Variants in ZFHX3 observed in about 807,000 individuals in gnomAD.
ZFHX3 encodes zinc finger homeobox 3, also known as zinc finger homeobox protein 3.
A neutral mutation model predicts 279.1 loss-of-function variants in ZFHX3; 42 were observed. The observed-to-expected ratio is 0.15, with a 90% confidence interval of 0.12 to 0.19. ZFHX3 has a LOEUF of 0.19. ZFHX3 is among the 10% of genes least tolerant of loss of function. ZFHX3 has a pLI of 1.00. For missense variants in ZFHX3, 4,981 were observed against 4,754.0 expected (o/e 1.05, Z -1.40); for synonymous variants, 2,293 against 1,957.8 (o/e 1.17, Z -4.52).
At chr16:72,833,654 G>A (rs933624893) in intron 4 of ZFHX3, among the ~76,000 whole-genome samples, 1 of 152,094 alleles carries the variant, frequency 6.6e-6, no homozygotes, top group African/African-American at 2.4e-5. Context: ...TCCCAAGGGC[G>A]TGGCCAGGAC....
chr16:73,260,975 C>T (rs770682396), intron 4 of ZFHX3, among the ~76,000 whole-genome samples: 9 of 152,134 alleles, frequency 5.9e-5, no homozygotes, highest in South Asian at 2.1e-4. Context: ...TGAGCCACTG[C>T]GCCCAGCCTA....
intron 3 of ZFHX3, among the ~76,000 whole-genome samples, chr16:73,366,198 T>G (rs2143325987): frequency 6.6e-6 from 1 of 152,286 alleles, no homozygotes; most frequent in South Asian, 2.1e-4. Context: ...TTTGCTGAAA[T>G]GTTATTTAAA....
rs2143382499 is a variant in ZFHX3 at position 72,793,628 on chromosome 16, A to G, written c.9054T>C (p.Ser3018=). 6.2e-7 allele frequency: 1 copy of G among 1,613,906 alleles called. No individual in the cohort carries two copies. The highest frequency in any genetic ancestry group is 8.5e-7 in the Non-Finnish European group (1 of 1,179,970). The part of the protein sequence containing the change: ...MAKHFGINQT[S]YEGPKTECTL... ...TGCACTCTGTTTTGGGTCCCTCATAACTCGTTTGGTTTATACCAAAATGCT... is the reference window on the plus strand; with the variant it reads ...TGCACTCTGTTTTGGGTCCCTCATAGCTCGTTTGGTTTATACCAAAATGCT... The change falls in exon 9 of 10, where the codon AGT becomes AGC. Residue 3018 remains serine, a synonymous_variant. Transcript: ENST00000268489. The surrounding 1 kb of genome is among the most constrained non-coding windows in gnomAD (Gnocchi z 4.3).
chr16:72,969,003 G>A (rs188241561), intron 1 of ZFHX3, among the ~76,000 whole-genome samples: 2 of 152,140 alleles, frequency 1.3e-5, no homozygotes, highest in Admixed American at 1.3e-4. Flanking sequence ...AAATATATGA[G>A]ATGTTACCAT....
rs1961342756 is a variant in ZFHX3 at position 72,957,914 on chromosome 16, A to G, written c.2232T>C (p.His744=). Residue 744 remains histidine, a synonymous_variant, in exon 2 of 10, where the codon CAT becomes CAC. Coordinates refer to ENST00000268489, the MANE Select transcript of ZFHX3 (RefSeq NM_006885.4). ...TGTTGAGATGCTTGTCAGACTGCATATGAATACTGAGGTTGCCTTTGGTAG... is the reference window on the plus strand; with the variant it reads ...TGTTGAGATGCTTGTCAGACTGCATGTGAATACTGAGGTTGCCTTTGGTAG... ...STTTKGNLSI[H]MQSDKHLNNM... 6.2e-7 allele frequency: 1 copy of G among 1,614,166 alleles called. No individual in the cohort carries two copies. The highest frequency in any genetic ancestry group is 1.7e-5 in the Admixed American group (1 of 60,024).
intron 2 of ZFHX3, among the ~76,000 whole-genome samples, chr16:73,539,895 C>T (rs1025690573): frequency 1.1e-4 from 17 of 152,290 alleles, no homozygotes; most frequent in African/African-American, 9.6e-5. Context: ...TGCTTTTCGA[C>T]GCCCAGTATA....
intron 3 of ZFHX3, among the ~76,000 whole-genome samples, chr16:73,344,914 A>T (rs2016096571): frequency 6.6e-6 from 1 of 152,194 alleles, no homozygotes; most frequent in Admixed American, 6.5e-5. Flanking sequence ...AGAGTGGGCA[A>T]CTGCTACATC....
At chr16:73,300,850 C>T (rs2015040216) in intron 4 of ZFHX3, among the ~76,000 whole-genome samples, 2 of 152,166 alleles carry the variant, frequency 1.3e-5, no homozygotes, top group Admixed American at 1.3e-4. Flanking sequence ...TTTACCTGTT[C>T]CGAAAGCTGT....
At chr16:73,200,407 C>T (rs1297753960) in intron 5 of ZFHX3, among the ~76,000 whole-genome samples, 2 of 152,024 alleles carry the variant, frequency 1.3e-5, no homozygotes, top group African/African-American at 4.8e-5. Context: ...GTGATTTATA[C>T]ATTTGAAGGA....
intron 5 of ZFHX3, among the ~76,000 whole-genome samples, chr16:73,176,141 C>T (rs1967658830): frequency 6.6e-6 from 1 of 152,250 alleles, no homozygotes; most frequent in East Asian, 1.9e-4. Context: ...CCATCTAGCA[C>T]CGTCCCATCA....
At chr16:73,006,093 C>G (rs1963693655) in intron 1 of ZFHX3, 1 of 152,114 alleles carries the variant, frequency 6.6e-6, no homozygotes, top group African/African-American at 2.4e-5. Context: ...TCTTTTTAAC[C>G]ATTATTTGAC....
intron 4 of ZFHX3, among the ~76,000 whole-genome samples, chr16:72,833,734 G>A (rs1303238094): frequency 1.3e-5 from 2 of 152,122 alleles, no homozygotes; most frequent in Non-Finnish European, 2.9e-5. Flanking sequence ...CAGGCCCAAT[G>A]CCTCCCAGAC....
rs1597218673 is a variant in ZFHX3 at position 72,786,529 on chromosome 16, C to T, written c.*635G>A. On this transcript the variant is annotated 3_prime_UTR_variant, in exon 10 of 10. Transcript: ENST00000268489. ...AGCTAAAGCAGTTCACATTGTTTTT[C>T]TTGAATACTTTCTGCCCATTTTTAA... is the stretch of plus-strand genomic sequence containing the variant. The T allele has an allele frequency of 7.6e-6, 1 of 131,652 alleles. No homozygotes were observed. The highest frequency in any genetic ancestry group is 8.2e-5 in the Admixed American group (1 of 12,214). The allele number at this position is 131,652 out of a possible 1,614,324, so 8.2% of individuals were successfully genotyped here. A position where few individuals can be genotyped will look rare whatever the true frequency, so the allele number is the denominator to read the frequency against.
At chr16:73,046,897 G>C (rs1223469721) in intron 1 of ZFHX3, among the ~76,000 whole-genome samples, 1 of 137,860 alleles carries the variant, frequency 7.3e-6, no homozygotes, top group Non-Finnish European at 1.6e-5. Context: ...ATGACACAGA[G>C]GGTGGGGGGA....
intron 3 of ZFHX3, among the ~76,000 whole-genome samples, chr16:72,912,586 G>A (rs1597371988): frequency 6.6e-6 from 1 of 152,116 alleles, no homozygotes; most frequent in South Asian, 2.1e-4. Flanking sequence ...AACTGTTTAC[G>A]TGCACTTAGA....
At chr16:73,259,441 T>C (rs961591223) in intron 4 of ZFHX3, among the ~76,000 whole-genome samples, 12 of 152,370 alleles carry the variant, frequency 7.9e-5, no homozygotes, top group Admixed American at 1.3e-4. Flanking sequence ...ACCACTACTC[T>C]TACTGTCTAC....
intron 1 of ZFHX3, among the ~76,000 whole-genome samples, chr16:72,997,606 C>A (rs1012967946): frequency 6.6e-6 from 1 of 152,174 alleles, no homozygotes. Flanking sequence ...TCATCTCCCC[C>A]CAGACTTATT....
In ZFHX3 at chr16:72,857,976, A is replaced by G. The variant is rs2037793594; in HGVS notation, c.3449-28117T>C. Among the ~76,000 whole-genome samples, 3 of 152,110 alleles carry G rather than the reference A, an allele frequency of 2.0e-5. No homozygotes were observed. The South Asian group carries it at 6.2e-4, about 32-fold the overall frequency. ...CTACCGGAGTAAGAGAGCAAGGACC[A>G]GGGCCCGCTGCTCCTCAGCCTGAAA... On this transcript the variant is annotated intron_variant, in intron 4 of 9. Transcript: ENST00000268489.
intron 4 of ZFHX3, among the ~76,000 whole-genome samples, chr16:73,315,519 G>T (rs748220762): frequency 6.6e-6 from 1 of 151,916 alleles, no homozygotes; most frequent in Non-Finnish European, 1.5e-5. Context: ...TCCTCCTCTG[G>T]AGGCTTATCT....
Sources: gnomAD v4.1 joint callset for allele counts (sites outside exome capture counted in the v4.1 genomes callset) on GRCh38, gnomAD v4.1.1 for gene constraint, Gnocchi (gnomAD v3.1) non-coding constraint, MANE v1.5 for transcripts, NCBI Gene and HGNC (gene_info 2026-07-23, HGNC 2026-07-21) for gene names.